Variants in ORC4 observed in about 807,000 individuals in gnomAD.
The protein encoded by ORC4 is origin recognition complex subunit 4.
ORC4 carries 55 observed loss-of-function variants against 63.9 expected under a neutral mutation model. That is an observed-to-expected ratio of 0.86 (90% CI 0.69 to 1.08). The LOEUF is 1.08. ORC4 is among the 50% of genes least tolerant of loss of function. ORC4 has a pLI of 0.00. For missense variants in ORC4, 511 were observed against 504.4 expected, an observed-to-expected ratio of 1.01 and a Z score of -0.13; for synonymous variants, 150 against 168.5, an observed-to-expected ratio of 0.89 and a Z score of 0.85.
intron 6 of ORC4, among the ~76,000 whole-genome samples, chr2:147,956,939 T>C (rs1174625314): frequency 1.3e-5 from 2 of 151,736 alleles, no homozygotes; most frequent in African/African-American, 4.8e-5. Context: ...TGGCTCAGTA[T>C]AGGCCACTAG....
chr2:147,938,041 A>G, intron 13 of ORC4, 105 bp downstream of exon 13: 5 of 788,472 alleles, frequency 6.3e-6, no homozygotes, highest in Non-Finnish European at 8.6e-6. Flanking sequence ...AAAAATCTCT[A>G]TAATACTTAA....
chr2:147,948,227 TAAAAAC>T lies in ORC4; in HGVS notation c.589-9_589-4del, dbSNP rs1558835083. On this transcript the variant is annotated splice_region_variant and splice_polypyrimidine_tract_variant and intron_variant, in intron 8 of 13. Transcript: ENST00000392857. ...TTTTCTAAGAGTTCCAAAATATCCT[TAAAAAC>T]AAACAGAAATCTCTATAAGGAAGAT... 5.6e-6 allele frequency: 9 copies of T among 1,593,998 alleles called. No individual in the cohort carries two copies. Among genetic ancestry groups the T allele is most frequent in the Non-Finnish European group, 6.9e-6 (8 of 1,164,012 alleles).
At chr2:148,009,251 A>C (rs1692810165) in intron 1 of ORC4, among the ~76,000 whole-genome samples, 1 of 152,212 alleles carries the variant, frequency 6.6e-6, no homozygotes, top group South Asian at 2.1e-4. Flanking sequence ...AATGGGGGAA[A>C]AGCCCTAGAA....
rs887393839 is a variant in ORC4 at position 147,958,357 on chromosome 2, C to A, written c.328G>T (p.Ala110Ser). 1.2e-6 allele frequency: 2 copies of A among 1,611,934 alleles called. No individual in the cohort carries two copies. Among genetic ancestry groups the A allele is most frequent in the African/African-American group, 1.3e-5 (1 of 74,794 alleles). The change falls in exon 6 of 14, where the codon GCC (alanine) becomes TCC (serine). Residue 110 changes from alanine to serine, a missense_variant. Ala to Ser is a moderately conservative substitution (Grantham distance 99). Coordinates refer to ENST00000392857, the MANE Select transcript of ORC4 (RefSeq NM_181741.4). ...AACTGCCTTGTGATTTCCTTTAGGG[C>A]GATTTTGTCATTGATCTGCAGCAGT... ...NGLLQINDKI[A>S]LKEITRQLNL...
intron 4 of ORC4, among the ~76,000 whole-genome samples, chr2:147,959,261 C>T (rs2603600): frequency 0.62 from 94,274 of 151,858 alleles, 29,897 homozygotes; most frequent in Middle Eastern, 0.76. Context: ...GTTAAAAGCC[C>T]ATTGAATTAA....
chr2:147,972,908 T>C lies in ORC4; in HGVS notation c.135-79A>G, dbSNP rs1267157258. On this transcript the variant is annotated intron_variant, in intron 3 of 13. Transcript: ENST00000392857. ...TATGTTGTAGTTTTTAAAAGGCATA[T>C]TTGAATATGCACAGAAATTTCCTCT... 4.3e-6 allele frequency: 4 copies of C among 925,368 alleles called. No homozygotes were observed. In the African/African-American group the frequency reaches 6.6e-5, roughly 15 times the overall value. 57.3% of individuals were successfully genotyped at this position (925,368 alleles called of 1,614,324 possible).
Position 147,991,150 on chromosome 2 carries a change from C to T in ORC4, c.-17-15175G>A, listed in dbSNP as rs202103211. On this transcript the variant is annotated intron_variant, in intron 1 of 13. Coordinates refer to ENST00000392857, the MANE Select transcript of ORC4 (RefSeq NM_181741.4). The stretch of plus-strand genomic sequence containing the variant: ...GCAACCTCCACCTCCAGGGTTCAAG[C>T]GATTCTCCTGCCTCAGCCTCCTGAG... Among the ~76,000 whole-genome samples the T allele has an allele frequency of 2.2e-3, 328 of 151,222 alleles. 1 individual carries two copies. The highest frequency in any genetic ancestry group is 3.7e-3 in the Non-Finnish European group (252 of 67,900).
chr2:147,970,160 T>C (rs1274985660), intron 4 of ORC4, among the ~76,000 whole-genome samples: 1 of 152,162 alleles, frequency 6.6e-6, no homozygotes, highest in Non-Finnish European at 1.5e-5. Context: ...GAAACATGTG[T>C]AAGATCTTTA....
At position 147,931,099 on chromosome 2, in the gene ORC4, A is replaced by C. The variant is rs1687703485; in HGVS notation, c.*4411T>G. On this transcript the variant is annotated 3_prime_UTR_variant, in exon 14 of 14. Coordinates refer to ENST00000392857, the MANE Select transcript of ORC4 (RefSeq NM_181741.4). ...TCAATTCCCACCTATGAGTGAGAAT[A>C]TGCGGTGTTTGGTTTTTTGTTCTTG... The C allele has an allele frequency of 1.4e-5, 2 of 147,490 alleles. No homozygotes were observed. Among genetic ancestry groups the C allele is most frequent in the South Asian group, 4.4e-4 (2 of 4,520 alleles). The allele number at this position is 147,490 out of a possible 1,614,324, so 9.1% of individuals were successfully genotyped here. A position where few individuals can be genotyped will look rare whatever the true frequency, so the allele number is the denominator to read the frequency against.
chr2:147,995,474 G>A (rs572180071), intron 1 of ORC4, among the ~76,000 whole-genome samples: 35 of 152,106 alleles, frequency 2.3e-4, no homozygotes, highest in Non-Finnish European at 4.9e-4. Flanking sequence ...GCAACCTGCT[G>A]GGGTCCCCTT....
At chr2:147,943,297 T>C in intron 10 of ORC4, 139 bp downstream of exon 10, 3 of 680,648 alleles carry the variant, frequency 4.4e-6, no homozygotes, top group Non-Finnish European at 8.0e-6. Context: ...ATGCTTGTAA[T>C]GTCAGCACTT....
chr2:147,994,681 A>C (rs1031901700), intron 1 of ORC4, among the ~76,000 whole-genome samples: 1 of 152,208 alleles, frequency 6.6e-6, no homozygotes, highest in Admixed American at 6.5e-5. Context: ...TTCACACACA[A>C]AAAATCTAAA....
chr2:147,992,485 T>A (rs1464733253), intron 1 of ORC4, among the ~76,000 whole-genome samples: 1 of 152,192 alleles, frequency 6.6e-6, no homozygotes, highest in Non-Finnish European at 1.5e-5. Context: ...ACTAGGGCAC[T>A]AAAATTGGTG....
chr2:147,937,653 T>C (rs1688126808), intron 13 of ORC4, among the ~76,000 whole-genome samples: 1 of 152,232 alleles, frequency 6.6e-6, no homozygotes, highest in African/African-American at 2.4e-5. Context: ...AATTTAAAAC[T>C]ACATTACATG....
intron 7 of ORC4, among the ~76,000 whole-genome samples, chr2:147,954,179 TCCAAA>T (rs1312466077): frequency 6.6e-6 from 1 of 151,910 alleles, no homozygotes; most frequent in Non-Finnish European, 1.5e-5. Context: ...AGCAGAAAAG[TCCAAA>T]CCAAACTTAA....
chr2:147,962,476 G>C (rs903003588), intron 4 of ORC4, among the ~76,000 whole-genome samples: 2 of 152,070 alleles, frequency 1.3e-5, no homozygotes, highest in African/African-American at 4.8e-5. Flanking sequence ...CAGTACTAGG[G>C]GTCCATCTTC....
In ORC4 at chr2:147,973,454, T is replaced by C. The variant is rs372594508; in HGVS notation, c.128A>G (p.Gln43Arg). Residue 43 changes from glutamine to arginine, a missense_variant, in exon 3 of 14, where the codon CAA (glutamine) becomes CGA (arginine). By Grantham distance (43) the Gln-to-Arg change is conservative. Coordinates refer to ENST00000392857, the MANE Select transcript of ORC4 (RefSeq NM_181741.4). ...PHSNLFGVQV[Q>R]YKHLSELLKR... ...AGAGGACAGCTAGACTTACTTGTAT[T>C]GTACTTGCACTCCAAATAGGTTACT... 38 of 1,596,330 alleles carry C rather than the reference T, an allele frequency of 2.4e-5. No homozygotes were observed. The highest frequency in any genetic ancestry group is 6.7e-5 in the East Asian group (3 of 44,732).
At chr2:147,965,398 T>C (rs994220216) in intron 4 of ORC4, among the ~76,000 whole-genome samples, 6 of 150,884 alleles carry the variant, frequency 4.0e-5, no homozygotes, top group Admixed American at 1.3e-4. Flanking sequence ...ACCTCACCTG[T>C]ATAGACACAC....
chr2:148,016,856 T>C (rs1292619585), intron 1 of ORC4, among the ~76,000 whole-genome samples: 4 of 152,206 alleles, frequency 2.6e-5, no homozygotes, highest in African/African-American at 9.6e-5. Flanking sequence ...GACAGCTGAT[T>C]TCTCAAAATC....
Sources: allele counts gnomAD v4.1 joint callset (sites outside exome capture counted in the v4.1 genomes callset), GRCh38; gene constraint gnomAD v4.1.1; transcripts MANE v1.5; gene names NCBI Gene and HGNC (gene_info 2026-07-23, HGNC 2026-07-21).